Variants in PHB1 observed in about 807,000 individuals in gnomAD.
PHB1 encodes the protein prohibitin 1, also known as epididymis luminal protein 215.
chr17:49,408,791 T>C, the PHB1 span: 3 of 426,270 alleles, frequency 7.0e-6, no homozygotes, highest in Non-Finnish European at 1.3e-5. Flanking sequence ...AGGTAAAACA[T>C]TTAGTGGTTA....
the PHB1 span, among the ~76,000 whole-genome samples, chr17:49,406,241 G>T: frequency 1.3e-5 from 2 of 152,182 alleles, no homozygotes; most frequent in African/African-American, 4.8e-5. Flanking sequence ...TAGGGATACT[G>T]GTGGTGGGAA....
chr17:49,405,115 C>A, the PHB1 span: 2 of 1,613,688 alleles, frequency 1.2e-6, no homozygotes, highest in African/African-American at 2.7e-5. Flanking sequence ...TCAGGCCATC[C>A]CCTGCAGTGG....
chr17:49,408,802 G>A, the PHB1 span: 7 of 480,936 alleles, frequency 1.5e-5, no homozygotes, highest in African/African-American at 1.2e-4. Context: ...TTAGTGGTTA[G>A]AGACTATCTG....
chr17:49,413,169 T>C, the PHB1 span: 1 of 1,606,602 alleles, frequency 6.2e-7, no homozygotes, highest in East Asian at 2.2e-5. Context: ...TGTCCCTCCA[T>C]GCCTCACCAT....
the PHB1 span, chr17:49,413,342 G>T: frequency 3.0e-6 from 3 of 1,004,000 alleles, no homozygotes; most frequent in Non-Finnish European, 4.6e-6. Flanking sequence ...AATCCTCAGA[G>T]AAGGCCCTCT....
At chr17:49,411,748 C>A in the PHB1 span, 9 of 1,614,052 alleles carry the variant, frequency 5.6e-6, no homozygotes, top group East Asian at 4.5e-5. Context: ...GTTTCTGTAC[C>A]CACGGGATGA....
chr17:49,412,084 G>A, the PHB1 span: 1 of 419,588 alleles, frequency 2.4e-6, no homozygotes, highest in Non-Finnish European at 4.2e-6. Flanking sequence ...TTCTCCTTGA[G>A]GGAACTGGCT....
At chr17:49,404,995 C>A in the PHB1 span, 4 of 1,552,142 alleles carry the variant, frequency 2.6e-6, no homozygotes, top group Non-Finnish European at 3.5e-6. Flanking sequence ...TGGGCCCTCA[C>A]TGGGGCAGCT....
the PHB1 span, among the ~76,000 whole-genome samples, chr17:49,408,204 G>A: frequency 6.6e-6 from 1 of 152,244 alleles, no homozygotes; most frequent in Non-Finnish European, 1.5e-5. Context: ...ACTTCCAGCA[G>A]GCGGAGCAAG....
At chr17:49,411,610 T>C in the PHB1 span, 45 of 1,397,110 alleles carry the variant, frequency 3.2e-5, no homozygotes, top group Middle Eastern at 2.0e-4. Context: ...CAGATGCTCC[T>C]GTGACACAGA....
chr17:49,411,890 C>T, the PHB1 span: 2 of 1,533,228 alleles, frequency 1.3e-6, no homozygotes, highest in Non-Finnish European at 1.8e-6. Flanking sequence ...ATCCTTTAAA[C>T]AAAAGGATCA....
the PHB1 span, chr17:49,406,880 T>A: frequency 6.6e-7 from 1 of 1,525,610 alleles, no homozygotes; most frequent in Non-Finnish European, 9.1e-7. Context: ...GAGCACAAGA[T>A]GAGGCAGTGT....
the PHB1 span, chr17:49,409,122 C>G: frequency 6.2e-7 from 1 of 1,614,142 alleles, no homozygotes; most frequent in Non-Finnish European, 8.5e-7. Flanking sequence ...GAGACCAGCT[C>G]TCTCTGGGTG....
At chr17:49,413,893 CCA>C in the PHB1 span, among the ~76,000 whole-genome samples, 1 of 152,058 alleles carries the variant, frequency 6.6e-6, no homozygotes, top group East Asian at 1.9e-4. Flanking sequence ...GGCTTGAAAT[CCA>C]CAGAGAACTT....
At chr17:49,405,214 T>C in the PHB1 span, 2 of 1,611,708 alleles carry the variant, frequency 1.2e-6, no homozygotes. Context: ...CCTAAAAGAA[T>C]GGAGGTGGAG....
At chr17:49,411,955 T>C in the PHB1 span, 1 of 906,746 alleles carries the variant, frequency 1.1e-6, no homozygotes, top group Non-Finnish European at 1.6e-6. Context: ...TCCCCTCTTC[T>C]CTCTGTCTTC....
At chr17:49,404,925 A>G in the PHB1 span, 1 of 1,043,800 alleles carries the variant, frequency 9.6e-7, no homozygotes, top group Non-Finnish European at 1.5e-6. Context: ...AGCAGAAGGA[A>G]GGCTGTGTTA....
At chr17:49,414,111 C>T in the PHB1 span, 1 of 152,082 alleles carries the variant, frequency 6.6e-6, no homozygotes, top group African/African-American at 2.4e-5. Flanking sequence ...TCACAATTAC[C>T]CTATGAAGCA....
chr17:49,409,547 T>TG, the PHB1 span: 11 of 948,190 alleles, frequency 1.2e-5, no homozygotes, highest in Non-Finnish European at 1.5e-5. Context: ...TTTTTTGTTT[T>TG]TTTTTTTTTT....
Sources: allele counts gnomAD v4.1 joint callset (sites outside exome capture counted in the v4.1 genomes callset), GRCh38; gene constraint gnomAD v4.1.1; transcripts MANE v1.5; gene names NCBI Gene and HGNC (gene_info 2026-07-23, HGNC 2026-07-21).